PRKN: variants seen among roughly 807,000 people sequenced by gnomAD.
The protein encoded by PRKN is parkin RBR E3 ubiquitin protein ligase, also known as E3 ubiquitin-protein ligase parkin.
In PRKN, 56 loss-of-function variants were observed where a neutral mutation model predicts 59.5. The ratio of observed to expected loss-of-function variants is 0.94; its 90% confidence interval spans 0.76 to 1.18. PRKN has a LOEUF of 1.18. PRKN is among the 50% of genes most tolerant of loss of function. The probability of loss-of-function intolerance (pLI) is 0.00; values close to 1 mark genes in which losing one functional copy is unlikely to be tolerated. For synonymous variants in PRKN, 250 were observed against 222.1 expected (o/e 1.13, Z -1.12); for missense variants, 657 against 596.4 (o/e 1.10, Z -1.06).
At chr6:161,899,283 T>A (rs1419690168) in intron 6 of PRKN, among the ~76,000 whole-genome samples, 1 of 152,242 alleles carries the variant, frequency 6.6e-6, no homozygotes. Flanking sequence ...TATGTTCCGA[T>A]GAGAATTACA....
At chr6:161,906,885 G>A (rs565456198) in intron 6 of PRKN, among the ~76,000 whole-genome samples, 8 of 151,812 alleles carry the variant, frequency 5.3e-5, no homozygotes, top group Non-Finnish European at 8.8e-5. Flanking sequence ...GATGAAGGCC[G>A]GAAGACTCAG....
intron 9 of PRKN, among the ~76,000 whole-genome samples, chr6:161,516,108 TA>T (rs754885348): frequency 2.0e-5 from 3 of 152,074 alleles, no homozygotes; most frequent in African/African-American, 4.8e-5. Context: ...TATATAACCT[TA>T]AAACAGAGCC....
chr6:162,166,879 A>G (rs1562554282), intron 4 of PRKN, among the ~76,000 whole-genome samples: 1 of 152,126 alleles, frequency 6.6e-6, no homozygotes, highest in Non-Finnish European at 1.5e-5. Flanking sequence ...TGTCCCCTGC[A>G]CTATAAACTC....
At chr6:162,179,897 C>T (rs929481495) in intron 4 of PRKN, among the ~76,000 whole-genome samples, 2 of 135,790 alleles carry the variant, frequency 1.5e-5, no homozygotes, top group Non-Finnish European at 3.2e-5. Context: ...GTGTTTGCCT[C>T]CTCTTCCCAT....
chr6:161,490,838 C>T (rs904078103), intron 9 of PRKN, among the ~76,000 whole-genome samples: 2 of 152,090 alleles, frequency 1.3e-5, no homozygotes, highest in South Asian at 4.2e-4. Flanking sequence ...GTGCTGTTCT[C>T]GTGATCATGA....
intron 1 of PRKN, among the ~76,000 whole-genome samples, chr6:162,637,504 C>T (rs911632836): frequency 2.6e-5 from 4 of 152,124 alleles, no homozygotes; most frequent in African/African-American, 9.7e-5. Context: ...GCTGGACATA[C>T]AGGTCTTCAG....
chr6:162,536,193 T>G (rs1778709362), intron 1 of PRKN, among the ~76,000 whole-genome samples: 1 of 152,134 alleles, frequency 6.6e-6, no homozygotes. Context: ...ACTAACAAAC[T>G]ATAATGAACT....
At chr6:162,659,243 A>C (rs1778787355) in intron 1 of PRKN, among the ~76,000 whole-genome samples, 1 of 152,134 alleles carries the variant, frequency 6.6e-6, no homozygotes, top group South Asian at 2.1e-4. Context: ...CCTTTAACTT[A>C]AATATGTTGT....
chr6:162,535,574 AAAT>A (rs1778682502), intron 1 of PRKN, among the ~76,000 whole-genome samples: 1 of 152,042 alleles, frequency 6.6e-6, no homozygotes, highest in African/African-American at 2.4e-5. Flanking sequence ...CCATATTCAT[AAAT>A]AATAATATTT....
At chr6:162,138,643 A>G (rs1334037813) in intron 4 of PRKN, among the ~76,000 whole-genome samples, 2 of 152,220 alleles carry the variant, frequency 1.3e-5, no homozygotes, top group Admixed American at 1.3e-4. Flanking sequence ...AACATGCTCC[A>G]TATGTCCAAG....
chr6:162,094,898 T>A (rs1174856472), intron 4 of PRKN, among the ~76,000 whole-genome samples: 3 of 152,210 alleles, frequency 2.0e-5, no homozygotes, highest in Non-Finnish European at 2.9e-5. Context: ...TTGTGTATAG[T>A]CTAGATTTTT....
chr6:161,535,383 C>T (rs1397257350), intron 9 of PRKN, among the ~76,000 whole-genome samples: 1 of 152,076 alleles, frequency 6.6e-6, no homozygotes, highest in African/African-American at 2.4e-5. Flanking sequence ...AGTTTCATGC[C>T]AGAAGACTTT....
intron 1 of PRKN, among the ~76,000 whole-genome samples, chr6:162,645,398 T>C (rs1241074149): frequency 1.3e-5 from 2 of 152,218 alleles, no homozygotes; most frequent in Admixed American, 1.3e-4. Context: ...CACTCAGTTA[T>C]GCAGCTGAGC....
At chr6:162,523,482 T>C (rs1033308574) in intron 1 of PRKN, among the ~76,000 whole-genome samples, 2 of 151,914 alleles carry the variant, frequency 1.3e-5, no homozygotes, top group African/African-American at 4.8e-5. Context: ...CTGGCCAACA[T>C]GGTGAAACTC....
chr6:162,070,718 G>A lies in PRKN; in HGVS notation c.535-16544C>T, dbSNP rs569658444. 1.3e-4 allele frequency among the ~76,000 whole-genome samples: 20 copies of A among 152,232 alleles called. No individual in the cohort carries two copies. In the East Asian group the frequency reaches 3.1e-3, roughly 24 times the overall value. On this transcript the variant is annotated intron_variant, in intron 4 of 11. Coordinates refer to ENST00000366898, the MANE Select transcript of PRKN (RefSeq NM_004562.3). ...CAAGCATTAGATTCTCATAAGGAGCGTGCAACCTAGATCCCCCACATGCAC... is the reference window on the plus strand; with the variant it reads ...CAAGCATTAGATTCTCATAAGGAGCATGCAACCTAGATCCCCCACATGCAC...
intron 7 of PRKN, among the ~76,000 whole-genome samples, chr6:161,586,622 A>T (rs576116491): frequency 6.6e-6 from 1 of 152,244 alleles, no homozygotes; most frequent in East Asian, 1.9e-4. Context: ...ATTCTCTTTC[A>T]TGTGTCCATG....
chr6:162,359,851 C>A (rs1785059781), intron 2 of PRKN, among the ~76,000 whole-genome samples: 1 of 152,120 alleles, frequency 6.6e-6, no homozygotes. Flanking sequence ...ACTGTGGCAT[C>A]CTCTCTTCAA....
At chr6:162,430,831 A>G (rs1789486357) in intron 2 of PRKN, among the ~76,000 whole-genome samples, 1 of 152,168 alleles carries the variant, frequency 6.6e-6, no homozygotes, top group African/African-American at 2.4e-5. Flanking sequence ...TAAAATAGGA[A>G]GAGAAATAAC....
At chr6:162,513,562 A>C (rs374862171) in intron 1 of PRKN, among the ~76,000 whole-genome samples, 2 of 152,190 alleles carry the variant, frequency 1.3e-5, no homozygotes, top group African/African-American at 4.8e-5. Context: ...AGAAAGAAGG[A>C]AGGAAAAAGG....
Sources: gnomAD v4.1 joint callset for allele counts (sites outside exome capture counted in the v4.1 genomes callset) on GRCh38, gnomAD v4.1.1 for gene constraint, MANE v1.5 for transcripts, NCBI Gene and HGNC (gene_info 2026-07-23, HGNC 2026-07-21) for gene names.